CELSR1: variants seen among roughly 807,000 people sequenced by gnomAD.
CELSR1 encodes adhesion G protein-coupled receptor C1.
Under a neutral mutation model 249.1 loss-of-function variants are expected in CELSR1, and 110 were observed. That is an observed-to-expected ratio of 0.44 (90% CI 0.38 to 0.52). The LOEUF (loss-of-function observed/expected upper bound fraction) is 0.52. Among genes scored for constraint, CELSR1 ranks in the 20% least tolerant of loss-of-function variants. The probability of loss-of-function intolerance (pLI) is 0.00; values close to 1 mark genes in which losing one functional copy is unlikely to be tolerated. For missense variants in CELSR1, 4,109 were observed against 4,296.4 expected (o/e 0.96, Z 1.22); for synonymous variants, 2,113 against 1,900.0 (o/e 1.11, Z -2.92).
Position 46,399,181 on chromosome 22 carries a change from G to T in CELSR1, c.5412+536C>A, listed in dbSNP as rs756451894. Among the ~76,000 whole-genome samples, 1 of 152,130 alleles carries T rather than the reference G, an allele frequency of 6.6e-6. No homozygotes were observed. Among genetic ancestry groups the T allele is most frequent in the Non-Finnish European group, 1.5e-5 (1 of 68,028 alleles). On this transcript the variant is annotated intron_variant, in intron 10 of 34. Coordinates refer to ENST00000674500, the MANE Select transcript of CELSR1 (RefSeq NM_001378328.1). This position sits in a 1 kb window ranked among gnomAD's most constrained non-coding sequence, Gnocchi z 5.0. Reference sequence around the variant, plus strand: ...GGGCATTTCACAGACAACATCTTGGGTTACCTGCCTGCAAACTGTGGAAAC... The same window carrying T: ...GGGCATTTCACAGACAACATCTTGGTTTACCTGCCTGCAAACTGTGGAAAC...
At position 46,381,054 on chromosome 22, in the gene CELSR1, C is replaced by G. The variant is rs1452350441; in HGVS notation, c.7089-99G>C. The stretch of plus-strand genomic sequence containing the variant: ...CCTGAGGACACGCCATGATGTGTTT[C>G]TAGGGGAGACAGAATCACACTCCGA... On this transcript the variant is annotated intron_variant, in intron 21 of 34. Coordinates refer to ENST00000674500, the MANE Select transcript of CELSR1 (RefSeq NM_001378328.1). The surrounding 1 kb of genome is among the most constrained non-coding windows in gnomAD (Gnocchi z 6.0). The G allele has an allele frequency of 7.9e-7, 1 of 1,263,554 alleles. No homozygotes were observed. The highest frequency in any genetic ancestry group is 1.1e-6 in the Non-Finnish European group (1 of 905,984). The allele number at this position is 1,263,554 out of a possible 1,614,324, so 78.3% of individuals were successfully genotyped here.
rs541619044 is a variant in CELSR1, at chr22:46,442,962, T to G, written c.4184-3551A>C. On this transcript the variant is annotated intron_variant, in intron 2 of 34. Transcript: ENST00000674500. ...AAAAAAAAAAAATTAACCGGGTGTG[T>G]TGGCGGGCGCCTGTAGTCCCAGCTA... is the stretch of plus-strand genomic sequence containing the variant. 2.6e-4 allele frequency among the ~76,000 whole-genome samples: 40 copies of G among 151,868 alleles called. No individual in the cohort carries two copies. The East Asian group carries it at 2.9e-3, about 11-fold the overall frequency.
At chr22:46,497,379 C>T (rs2080423413) in intron 1 of CELSR1, among the ~76,000 whole-genome samples, 2 of 152,128 alleles carry the variant, frequency 1.3e-5, no homozygotes, top group South Asian at 4.1e-4. Context: ...CTAAGACTTC[C>T]ATTACAATGT....
rs190800953 is a variant in CELSR1 at position 46,477,665 on chromosome 22, G to A, written c.3545-13320C>T. The stretch of plus-strand genomic sequence containing the variant: ...TGGGGCTACAGACGTGGGCCACCAC[G>A]CCAGGCTAATTTTTTGTATTTTAGT... On this transcript the variant is annotated intron_variant, in intron 1 of 34. Coordinates refer to ENST00000674500, the MANE Select transcript of CELSR1 (RefSeq NM_001378328.1). 4.5e-3 allele frequency among the ~76,000 whole-genome samples: 683 copies of A among 152,012 alleles called. 2 individuals carry two copies. Among genetic ancestry groups the A allele is most frequent in the Non-Finnish European group, 7.9e-3 (536 of 67,970 alleles).
rs1476725616 is a variant in CELSR1, at chr22:46,527,888, G to A, written c.3544+5739C>T. 7.9e-5 allele frequency among the ~76,000 whole-genome samples: 12 copies of A among 152,184 alleles called. No individual in the cohort carries two copies. Among genetic ancestry groups the A allele is most frequent in the Non-Finnish European group, 1.6e-4 (11 of 68,040 alleles). ...AGGCGGGCGGATAGCCTGAGGTCAGGAGTTGGAGACCAGCCTGGCCAGCAT... is the reference window on the plus strand; with the variant it reads ...AGGCGGGCGGATAGCCTGAGGTCAGAAGTTGGAGACCAGCCTGGCCAGCAT... On this transcript the variant is annotated intron_variant, in intron 1 of 34. Coordinates refer to ENST00000674500, the MANE Select transcript of CELSR1 (RefSeq NM_001378328.1). This position sits in a 1 kb window ranked among gnomAD's most constrained non-coding sequence, Gnocchi z 5.5.
In CELSR1 at chr22:46,399,617, CA is replaced by C; in HGVS notation, c.5412+99del. 1 of 1,261,942 alleles carries C rather than the reference CA, an allele frequency of 7.9e-7. No individual in the cohort carries two copies. Among genetic ancestry groups the C allele is most frequent in the South Asian group, 1.4e-5 (1 of 73,626 alleles). 78.2% of individuals were successfully genotyped at this position (1,261,942 alleles called of 1,614,324 possible). A position where few individuals can be genotyped will look rare whatever the true frequency, so the allele number is the denominator to read the frequency against. ...CCCAGAAAGTGCCTCCCCAAATCCA[CA>C]AGGTCTCTGGTGGGTCCTGGCACGT... On this transcript the variant is annotated intron_variant, in intron 10 of 34. Transcript: ENST00000674500. The surrounding 1 kb of genome is among the most constrained non-coding windows in gnomAD (Gnocchi z 5.0).
chr22:46,402,401 G>A lies in CELSR1; in HGVS notation c.5227-2499C>T, dbSNP rs1214748413. Among the ~76,000 whole-genome samples the A allele has an allele frequency of 1.3e-5, 2 of 151,982 alleles. No homozygotes were observed. The highest frequency in any genetic ancestry group is 2.9e-5 in the Non-Finnish European group (2 of 68,006). On this transcript the variant is annotated intron_variant, in intron 9 of 34. Transcript: ENST00000674500. This position sits in a 1 kb window ranked among gnomAD's most constrained non-coding sequence, Gnocchi z 5.0. Reference sequence around the variant, plus strand: ...CAGCTAATTTTCTGTATTTTTAGTAGAGACGGGGCTTCTCCATGTTGGTCA... The same window carrying A: ...CAGCTAATTTTCTGTATTTTTAGTAAAGACGGGGCTTCTCCATGTTGGTCA...
intron 1 of CELSR1, among the ~76,000 whole-genome samples, chr22:46,487,417 T>C (rs1428949127): frequency 6.8e-6 from 1 of 147,512 alleles, no homozygotes; most frequent in Non-Finnish European, 1.5e-5. Context: ...GCGGGCCCTG[T>C]GTGTACGAGG....
intron 18 of CELSR1, among the ~76,000 whole-genome samples, chr22:46,388,280 T>C (rs113971661): frequency 0.045 from 6,705 of 150,070 alleles, 199 homozygotes; most frequent in Non-Finnish European, 0.069. Context: ...ACCCGGGAGG[T>C]GGAGGTTGCA....
Position 46,448,307 on chromosome 22 carries a change from C to T in CELSR1, c.4184-8896G>A, listed in dbSNP as rs562963700. Among the ~76,000 whole-genome samples the T allele has an allele frequency of 1.3e-5, 2 of 152,084 alleles. No homozygotes were observed. Among genetic ancestry groups the T allele is most frequent in the Non-Finnish European group, 2.9e-5 (2 of 67,996 alleles). ...TGGGGGTGGGGGCAGAGGGCCCACG[C>T]GAGGGGATGCTGATGTGAACCCCTG... On this transcript the variant is annotated intron_variant, in intron 2 of 34. Coordinates refer to ENST00000674500, the MANE Select transcript of CELSR1 (RefSeq NM_001378328.1). This position sits in a 1 kb window ranked among gnomAD's most constrained non-coding sequence, Gnocchi z 5.7.
intron 1 of CELSR1, among the ~76,000 whole-genome samples, chr22:46,513,090 C>T (rs1344481121): frequency 6.6e-6 from 1 of 152,104 alleles, no homozygotes; most frequent in African/African-American, 2.4e-5. Context: ...ACTTCTGGGG[C>T]GAGATTCAAA....
At chr22:46,439,033 C>T (rs538480083) in intron 3 of CELSR1, among the ~76,000 whole-genome samples, 156 bp downstream of exon 3, 1 of 152,340 alleles carries the variant, frequency 6.6e-6, no homozygotes, top group South Asian at 2.1e-4. Context: ...GCTGGGATTA[C>T]AGGCGTGAGC....
intron 3 of CELSR1, 131 bp downstream of exon 3, chr22:46,439,058 T>TA (rs2079703482): frequency 1.1e-6 from 1 of 910,158 alleles, no homozygotes; most frequent in Non-Finnish European, 1.7e-6. Flanking sequence ...GCGCCTGGCC[T>TA]GGAGCTACTC....
intron 1 of CELSR1, chr22:46,481,382 G>A: frequency 2.0e-6 from 2 of 980,458 alleles, no homozygotes; most frequent in South Asian, 2.8e-5. Flanking sequence ...GTTGGGAGCA[G>A]GTGCATGTGG....
intron 2 of CELSR1, among the ~76,000 whole-genome samples, chr22:46,453,089 C>T (rs1053672611): frequency 6.6e-6 from 1 of 152,186 alleles, no homozygotes; most frequent in Non-Finnish European, 1.5e-5. Flanking sequence ...CCTGCCATGC[C>T]TCGGAGGGAG....
intron 18 of CELSR1, among the ~76,000 whole-genome samples, chr22:46,388,939 G>A (rs959907474): frequency 6.6e-6 from 1 of 152,196 alleles, no homozygotes; most frequent in African/African-American, 2.4e-5. Flanking sequence ...TTCCTTACCT[G>A]TCAAATGGGT....
At chr22:46,462,010 G>C (rs534042566) in intron 2 of CELSR1, among the ~76,000 whole-genome samples, 1 of 152,358 alleles carries the variant, frequency 6.6e-6, no homozygotes, top group South Asian at 2.1e-4. Context: ...GAGCAGAGGA[G>C]GGGGCCTGGT....
rs760631542 is a variant in CELSR1, at chr22:46,535,898, G to A, written c.1273C>T (p.Leu425Phe). ...CCCTGGTCGTTGGCCTCCACCAGGA[G>A]CTGGTACTCGGCCGCCTCCTCCCGG... ...LDREEAAEYQ[L>F]LVEANDQGRN... The change falls in exon 1 of 35, where the codon CTC becomes TTC. Residue 425 changes from leucine (L) to phenylalanine (F), a missense_variant. Around this residue, in one of 7 missense-constraint regions of CELSR1, gnomAD observed 673 missense variants for 636.8 expected, o/e 1.06. Transcript: ENST00000674500. The A allele has an allele frequency of 3.7e-6, 6 of 1,608,488 alleles. No individual in the cohort carries two copies. Among genetic ancestry groups the A allele is most frequent in the East Asian group, 2.2e-5 (1 of 44,808 alleles).
At chr22:46,414,322 G>A (rs147075604) in intron 5 of CELSR1, among the ~76,000 whole-genome samples, 92 of 152,364 alleles carry the variant, frequency 6.0e-4, no homozygotes, top group African/African-American at 2.1e-3. Flanking sequence ...CGAAAGAGCC[G>A]AATGTTCTCA....
Sources: gnomAD v4.1 joint callset for allele counts (sites outside exome capture counted in the v4.1 genomes callset) on GRCh38, gnomAD v4.1.1 for gene constraint, gnomAD v4.1.1 regional missense constraint, Gnocchi (gnomAD v3.1) non-coding constraint, MANE v1.5 for transcripts, NCBI Gene and HGNC (gene_info 2026-07-23, HGNC 2026-07-21) for gene names.